Variants in LTBP1 observed in about 807,000 individuals in gnomAD.
LTBP1 encodes latent-transforming growth factor beta-binding protein 1.
A neutral mutation model predicts 207.6 loss-of-function variants in LTBP1; 129 were observed. The observed-to-expected ratio is 0.62, with a 90% CI of 0.54 to 0.72. The LOEUF (loss-of-function observed/expected upper bound fraction) is 0.72, where lower values mean the gene tolerates loss of function less well. LTBP1 is among the 30% of genes least tolerant of loss of function. The pLI is 0.00. For missense variants in LTBP1, 2,281 were observed against 2,217.2 expected (o/e 1.03, Z -0.58); for synonymous variants, 963 against 833.7 (o/e 1.16, Z -2.67).
intron 2 of LTBP1, among the ~76,000 whole-genome samples, chr2:33,019,874 A>ATT (rs3047195): frequency 1.9e-4 from 26 of 135,024 alleles, no homozygotes; most frequent in African/African-American, 4.7e-4. Flanking sequence ...AGCTAATTAA[A>ATT]TTTTTTTTTT....
At chr2:33,029,858 C>T (rs1415996984) in intron 3 of LTBP1, among the ~76,000 whole-genome samples, 1 of 152,096 alleles carries the variant, frequency 6.6e-6, no homozygotes, top group Non-Finnish European at 1.5e-5. Flanking sequence ...GTTGTTTGAC[C>T]AGAAATTGTT....
At chr2:33,179,104 A>G (rs2086361184) in intron 5 of LTBP1, among the ~76,000 whole-genome samples, 2 of 152,052 alleles carry the variant, frequency 1.3e-5, no homozygotes, top group Non-Finnish European at 2.9e-5. Context: ...AGCTTGTCCA[A>G]CCCCAGCCCA....
chr2:33,177,220 C>T (rs951380582), intron 5 of LTBP1, among the ~76,000 whole-genome samples: 2 of 152,188 alleles, frequency 1.3e-5, no homozygotes, highest in Non-Finnish European at 2.9e-5. Flanking sequence ...TTCTTGTTCG[C>T]TATATCTCCT....
At chr2:32,976,275 C>T (rs1374989501) in intron 2 of LTBP1, among the ~76,000 whole-genome samples, 1 of 152,110 alleles carries the variant, frequency 6.6e-6, no homozygotes, top group Non-Finnish European at 1.5e-5. Context: ...GTCCACTGAC[C>T]TCAGTACTCT....
intron 3 of LTBP1, among the ~76,000 whole-genome samples, chr2:33,075,054 A>G (rs770817365): frequency 1.1e-4 from 17 of 152,026 alleles, no homozygotes; most frequent in Non-Finnish European, 2.1e-4. Context: ...CCGTCTCAAA[A>G]AACAAAACAA....
intron 3 of LTBP1, among the ~76,000 whole-genome samples, chr2:33,071,114 G>A (rs1240583434): frequency 4.6e-5 from 7 of 152,154 alleles, no homozygotes; most frequent in African/African-American, 1.7e-4. Context: ...TATGGCCAGG[G>A]TTGAGGGCCA....
chr2:32,982,503 C>T (rs980858456), intron 2 of LTBP1, among the ~76,000 whole-genome samples: 7 of 152,166 alleles, frequency 4.6e-5, no homozygotes, highest in Non-Finnish European at 1.0e-4. Context: ...GACAGTTAAT[C>T]ACCAAGTTAA....
chr2:33,239,682 C>A lies in LTBP1; in HGVS notation c.1877-3980C>A, dbSNP rs1474011649. 2.7e-5 allele frequency among the ~76,000 whole-genome samples: 4 copies of A among 149,154 alleles called. No individual in the cohort carries two copies. In the East Asian group the frequency reaches 7.8e-4, roughly 29 times the overall value. ...CCGAGGTGGGCGGATCACTTGAGGT[C>A]AGGAGTTCAAGACCAGCCTGGCCAA... is the stretch of plus-strand genomic sequence containing the variant. On this transcript the variant is annotated intron_variant, in intron 9 of 33. Transcript: ENST00000404816.
chr2:33,073,217 A>G (rs2077891820), intron 3 of LTBP1, among the ~76,000 whole-genome samples: 1 of 152,190 alleles, frequency 6.6e-6, no homozygotes, highest in Non-Finnish European at 1.5e-5. Context: ...CCATGAAGGA[A>G]GTTTGAATTA....
intron 3 of LTBP1, among the ~76,000 whole-genome samples, chr2:33,099,197 A>G (rs1438323194): frequency 6.6e-6 from 1 of 152,234 alleles, no homozygotes; most frequent in African/African-American, 2.4e-5. Context: ...GGGGATTGGA[A>G]CAGATGTTTG....
intron 24 of LTBP1, among the ~76,000 whole-genome samples, chr2:33,318,746 A>G (rs542276101): frequency 6.6e-6 from 1 of 152,304 alleles, no homozygotes; most frequent in African/African-American, 2.4e-5. Flanking sequence ...GTGTATTAAA[A>G]CAAAGGAAAC....
Position 33,343,773 on chromosome 2 carries a change from A to G in LTBP1, c.3856+810A>G, listed in dbSNP as rs561779009. 1.1e-4 allele frequency among the ~76,000 whole-genome samples: 16 copies of G among 152,330 alleles called. No homozygotes were observed. The South Asian group carries it at 2.5e-3, about 24-fold the overall frequency. ...TGAATATCATCATATGTCCTGGAAT[A>G]TGGTCCAACAAATGCTCACACAGAA... On this transcript the variant is annotated intron_variant, in intron 25 of 33. Coordinates refer to ENST00000404816, the MANE Select transcript of LTBP1 (RefSeq NM_206943.4).
At chr2:33,293,548 A>G (rs2093816244) in intron 20 of LTBP1, among the ~76,000 whole-genome samples, 1 of 152,162 alleles carries the variant, frequency 6.6e-6, no homozygotes, top group African/African-American at 2.4e-5. Flanking sequence ...TTCTCATTAT[A>G]AAAGCAATAC....
intron 3 of LTBP1, among the ~76,000 whole-genome samples, chr2:33,027,704 G>A (rs2075490654): frequency 6.6e-6 from 1 of 152,080 alleles, no homozygotes; most frequent in South Asian, 2.1e-4. Flanking sequence ...GGGCGTGGTG[G>A]CATGCGCCTG....
intron 7 of LTBP1, among the ~76,000 whole-genome samples, chr2:33,193,992 T>G (rs2088240631): frequency 6.6e-6 from 1 of 151,792 alleles, no homozygotes; most frequent in South Asian, 2.1e-4. Context: ...TTTTATTTAT[T>G]TATTTATTTT....
At chr2:33,225,374 C>T (rs1161770832) in intron 9 of LTBP1, among the ~76,000 whole-genome samples, 1 of 152,130 alleles carries the variant, frequency 6.6e-6, no homozygotes, top group African/African-American at 2.4e-5. Flanking sequence ...AAGACATACC[C>T]GAGACTGGGC....
intron 31 of LTBP1, among the ~76,000 whole-genome samples, chr2:33,367,899 A>C (rs1230032879): frequency 6.6e-6 from 1 of 152,186 alleles, no homozygotes; most frequent in African/African-American, 2.4e-5. Flanking sequence ...TATAAAACAG[A>C]TTCCATGCAG....
In LTBP1 at chr2:32,947,452, T is replaced by TC. The variant is rs1384594497; in HGVS notation, c.128_129insC (p.Leu43PhefsTer112). ...GGCCCCGGCCTGGCAGCCGGCGCCT[T>TC]GCCCCTGAGCGGGCCCCCGCGTTCG... On this transcript the variant is annotated frameshift_variant, in exon 1 of 34. Transcript: ENST00000404816. LOFTEE classifies it high-confidence loss of function. 6.9e-7 allele frequency: 1 copy of TC among 1,443,914 alleles called. No individual in the cohort carries two copies. 89.4% of individuals were successfully genotyped at this position (1,443,914 alleles called of 1,614,324 possible). A position where few individuals can be genotyped will look rare whatever the true frequency, so the allele number is the denominator to read the frequency against.
chr2:33,167,464 G>C (rs1448840994), intron 5 of LTBP1, among the ~76,000 whole-genome samples: 4 of 152,108 alleles, frequency 2.6e-5, no homozygotes, highest in Non-Finnish European at 4.4e-5. Flanking sequence ...TCCAAAAACT[G>C]TTTCTTTCTT....
Sources: allele counts gnomAD v4.1 joint callset (sites outside exome capture counted in the v4.1 genomes callset), GRCh38; gene constraint gnomAD v4.1.1; transcripts MANE v1.5; gene names NCBI Gene and HGNC (gene_info 2026-07-23, HGNC 2026-07-21).